SH3PXD2B: variants seen among roughly 807,000 people sequenced by gnomAD.
SH3PXD2B encodes the protein SH3 and PX domain-containing protein 2B.
A neutral mutation model predicts 73.1 loss-of-function variants in SH3PXD2B; 37 were observed. The observed-to-expected ratio is 0.51, with a 90% CI of 0.39 to 0.67. The LOEUF is 0.67. SH3PXD2B is among the 30% of genes least tolerant of loss of function. The pLI is 0.00. For missense variants in SH3PXD2B, 1,053 were observed against 1,197.8 expected (o/e 0.88, Z 1.78); for synonymous variants, 457 against 480.5 (o/e 0.95, Z 0.64).
In SH3PXD2B at chr5:172,337,546, T is replaced by TA; in HGVS notation, c.*822dup. On this transcript the variant is annotated 3_prime_UTR_variant, in exon 13 of 13. Transcript: ENST00000311601. ...GGGCACGACTTGTGAATGGGCCTCT[T>TA]ATTCAAACAAACTTTGAGATTCTTG... 1 of 985,584 alleles carries TA rather than the reference T, an allele frequency of 1.0e-6. No individual in the cohort carries two copies. Among genetic ancestry groups the TA allele is most frequent in the Non-Finnish European group, 1.2e-6 (1 of 830,040 alleles). 61.1% of individuals were successfully genotyped at this position (985,584 alleles called of 1,614,324 possible).
At chr5:172,406,397 A>T in intron 2 of SH3PXD2B, 45 bp from the exon 3 acceptor site, 1 of 1,575,236 alleles carries the variant, frequency 6.3e-7, no homozygotes. Flanking sequence ...TTCATAATGC[A>T]CTAAACATCA....
intron 12 of SH3PXD2B, among the ~76,000 whole-genome samples, chr5:172,343,941 G>A (rs1756918526): frequency 1.3e-5 from 2 of 151,138 alleles, no homozygotes; most frequent in South Asian, 4.2e-4. Flanking sequence ...ACCCCCCTGA[G>A]TCTCATCTAT....
Position 172,334,832 on chromosome 5 carries a change from A to G in SH3PXD2B, c.*3537T>C, listed in dbSNP as rs1756649045. On this transcript the variant is annotated 3_prime_UTR_variant, in exon 13 of 13. Transcript: ENST00000311601. ...CTCAGCACTTGCTCTTTAACGTGGC[A>G]TATGTTCCCCCATCTTCCACCTGGT... The G allele has an allele frequency of 3.0e-6, 3 of 985,332 alleles. No individual in the cohort carries two copies. Among genetic ancestry groups the G allele is most frequent in the African/African-American group, 1.7e-5 (1 of 57,236 alleles). 61.0% of individuals were successfully genotyped at this position (985,332 alleles called of 1,614,324 possible). A position where few individuals can be genotyped will look rare whatever the true frequency, so the allele number is the denominator to read the frequency against.
chr5:172,360,356 G>A (rs993883417), intron 7 of SH3PXD2B, among the ~76,000 whole-genome samples: 1 of 152,232 alleles, frequency 6.6e-6, no homozygotes, highest in African/African-American at 2.4e-5. Flanking sequence ...TGGGGAAGCC[G>A]AGGCTCAGCA....
intron 7 of SH3PXD2B, among the ~76,000 whole-genome samples, chr5:172,362,452 A>C (rs1442359000): frequency 1.3e-5 from 2 of 152,218 alleles, no homozygotes; most frequent in African/African-American, 4.8e-5. Flanking sequence ...TGAATGCTGG[A>C]CTTTGTCTGC....
intron 3 of SH3PXD2B, 138 bp from the exon 4 acceptor site, chr5:172,394,777 C>T (rs1758259556): frequency 2.5e-6 from 2 of 812,370 alleles, no homozygotes; most frequent in East Asian, 2.7e-5. Flanking sequence ...AAGGTACCCC[C>T]ACTGGACTTC....
rs1757135253 is a variant in SH3PXD2B, at chr5:172,350,479, T to G, written c.896A>C (p.Asp299Ala). Reference sequence around the variant, plus strand: ...CTGCTGCCGGGAAACACCATCCAAGTCAAGGGCACCCGGGTGGGAGGGTGA... The same window carrying G: ...CTGCTGCCGGGAAACACCATCCAAGGCAAGGGCACCCGGGTGGGAGGGTGA... Reference protein sequence around the residue: ...PGSPSHPGALDLDGVSRQQNA... With the variant: ...PGSPSHPGALALDGVSRQQNA... The change falls in exon 10 of 13, where the codon GAC (aspartate) becomes GCC (alanine). Residue 299 changes from aspartate to alanine, a missense_variant. This residue lies in a region of SH3PXD2B where 466 missense variants were observed against 607.1 expected (regional missense o/e 0.77). Coordinates refer to ENST00000311601, the MANE Select transcript of SH3PXD2B (RefSeq NM_001017995.3). 7 of 1,613,866 alleles carry G rather than the reference T, an allele frequency of 4.3e-6. No homozygotes were observed. The highest frequency in any genetic ancestry group is 5.9e-6 in the Non-Finnish European group (7 of 1,179,978).
chr5:172,393,885 A>G (rs923992433), intron 4 of SH3PXD2B, among the ~76,000 whole-genome samples: 2 of 152,214 alleles, frequency 1.3e-5, no homozygotes, highest in African/African-American at 4.8e-5. Context: ...GATTGGCTAA[A>G]TAACTTTGGA....
chr5:172,401,757 A>G (rs920934759), intron 3 of SH3PXD2B, among the ~76,000 whole-genome samples: 1 of 152,220 alleles, frequency 6.6e-6, no homozygotes, highest in Non-Finnish European at 1.5e-5. Flanking sequence ...CTCTGAACAT[A>G]CAGAACAACA....
intron 1 of SH3PXD2B, among the ~76,000 whole-genome samples, chr5:172,438,295 G>C (rs1264793376): frequency 6.6e-6 from 1 of 152,182 alleles, no homozygotes; most frequent in African/African-American, 2.4e-5. Flanking sequence ...CACAGGGCTA[G>C]GGCCACCCTC....
chr5:172,439,692 G>GCGCACACACACACACACA (rs1554087696), intron 1 of SH3PXD2B, among the ~76,000 whole-genome samples: 21 of 138,622 alleles, frequency 1.5e-4, no homozygotes, highest in African/African-American at 5.9e-4. Flanking sequence ...GCACGCGCGC[G>GCGCACACACACACACACA]CACACACACA....
At chr5:172,344,971 G>A (rs1756957158) in intron 12 of SH3PXD2B, among the ~76,000 whole-genome samples, 1 of 149,278 alleles carries the variant, frequency 6.7e-6, no homozygotes, top group African/African-American at 2.6e-5. Context: ...AGGAAGGAGG[G>A]AGAGAAAGAA....
chr5:172,415,121 C>G lies in SH3PXD2B; in HGVS notation c.156+7295G>C, dbSNP rs534828495. On this transcript the variant is annotated intron_variant, in intron 2 of 12. Transcript: ENST00000311601. ...TGGAAAGCAGAGATCCATCTGGGTC[C>G]CTTGTGGCAGCTCGAGGTCTAGGTT... Among the ~76,000 whole-genome samples the G allele has an allele frequency of 2.0e-5, 3 of 152,284 alleles. No individual in the cohort carries two copies. The East Asian group carries it at 5.8e-4, about 29-fold the overall frequency.
intron 7 of SH3PXD2B, among the ~76,000 whole-genome samples, chr5:172,359,664 G>A (rs1581273553): frequency 6.6e-6 from 1 of 152,248 alleles, no homozygotes; most frequent in East Asian, 1.9e-4. Context: ...ATTCCCCAAT[G>A]AGAAAGGCCT....
intron 2 of SH3PXD2B, among the ~76,000 whole-genome samples, chr5:172,416,334 T>A (rs1758819408): frequency 6.6e-6 from 1 of 150,820 alleles, no homozygotes; most frequent in Non-Finnish European, 1.5e-5. Flanking sequence ...GTCTCTACTT[T>A]TTTTTTTTTT....
chr5:172,337,983 C>A lies in SH3PXD2B; in HGVS notation c.*386G>T, dbSNP rs564996579. ...ACTGGGTTGGCTGCCCCTTACTGTG[C>A]CATGTCCAAGCCATGAGAGACCCTT... is the stretch of plus-strand genomic sequence containing the variant. On this transcript the variant is annotated 3_prime_UTR_variant, in exon 13 of 13. Coordinates refer to ENST00000311601, the MANE Select transcript of SH3PXD2B (RefSeq NM_001017995.3). 3 of 1,146,634 alleles carry A rather than the reference C, an allele frequency of 2.6e-6. No homozygotes were observed. In the African/African-American group the frequency reaches 4.8e-5, roughly 18 times the overall value. 71.0% of individuals were successfully genotyped at this position (1,146,634 alleles called of 1,614,324 possible).
At chr5:172,351,421 C>T (rs112938018) in intron 9 of SH3PXD2B, among the ~76,000 whole-genome samples, 2,005 of 152,284 alleles carry the variant, frequency 0.013, 17 homozygotes, top group Middle Eastern at 0.034. Context: ...AGCCACCACG[C>T]TTGGCCAGAA....
chr5:172,350,214 C>G, intron 10 of SH3PXD2B, 149 bp downstream of exon 10: 1 of 717,822 alleles, frequency 1.4e-6, no homozygotes, highest in South Asian at 1.9e-5. Context: ...GAATAAGTTA[C>G]CCGGGGTTTC....
In SH3PXD2B at chr5:172,337,784, C is replaced by A. The variant is rs1014061883; in HGVS notation, c.*585G>T. 5 of 995,628 alleles carry A rather than the reference C, an allele frequency of 5.0e-6. No homozygotes were observed. Among genetic ancestry groups the A allele is most frequent in the Non-Finnish European group, 6.0e-6 (5 of 835,878 alleles). 61.7% of individuals were successfully genotyped at this position (995,628 alleles called of 1,614,324 possible). A position where few individuals can be genotyped will look rare whatever the true frequency, so the allele number is the denominator to read the frequency against. On this transcript the variant is annotated 3_prime_UTR_variant, in exon 13 of 13. Transcript: ENST00000311601. ...CCTGGGGGAGCCGCATCCAGTGGAACCTCAGAGGCCCACGGGCCTGAGGCT... is the reference window on the plus strand; with the variant it reads ...CCTGGGGGAGCCGCATCCAGTGGAAACTCAGAGGCCCACGGGCCTGAGGCT...
Sources: gnomAD v4.1 joint callset for allele counts (sites outside exome capture counted in the v4.1 genomes callset) on GRCh38, gnomAD v4.1.1 for gene constraint, gnomAD v4.1.1 regional missense constraint, MANE v1.5 for transcripts, NCBI Gene and HGNC (gene_info 2026-07-23, HGNC 2026-07-21) for gene names.